The following ITGA8 variants were observed in gnomAD, a reference collection of about 807,000 sequenced individuals.
ITGA8 encodes integrin alpha-8.
A neutral mutation model predicts 142.3 loss-of-function variants in ITGA8; 91 were observed. The observed-to-expected ratio is 0.64, with a 90% CI of 0.54 to 0.76. The LOEUF (loss-of-function observed/expected upper bound fraction) is 0.76. ITGA8 is among the 30% of genes least tolerant of loss of function. The probability of loss-of-function intolerance (pLI) is 0.00; values close to 1 mark genes in which losing one functional copy is unlikely to be tolerated. For synonymous variants in ITGA8, 505 were observed against 485.2 expected, an observed-to-expected ratio of 1.04 and a Z score of -0.54; for missense variants, 1,406 against 1,327.7, an observed-to-expected ratio of 1.06 and a Z score of -0.92.
At chr10:15,579,282 C>T (rs1295104982) in intron 23 of ITGA8, among the ~76,000 whole-genome samples, 1 of 152,002 alleles carries the variant, frequency 6.6e-6, no homozygotes, top group Admixed American at 6.6e-5. Flanking sequence ...TAGCTGCTTT[C>T]GTATGAGAAA....
chr10:15,696,934 G>T (rs1206065637), intron 2 of ITGA8, among the ~76,000 whole-genome samples: 1 of 151,358 alleles, frequency 6.6e-6, no homozygotes, highest in African/African-American at 2.4e-5. Context: ...AGTTGAGCCT[G>T]AGAGGTAGAG....
At chr10:15,661,610 A>G (rs1360141920) in intron 8 of ITGA8, among the ~76,000 whole-genome samples, 2 of 152,166 alleles carry the variant, frequency 1.3e-5, no homozygotes, top group Non-Finnish European at 2.9e-5. Flanking sequence ...CGTGTGATTT[A>G]TAAATTAGAC....
intron 13 of ITGA8, among the ~76,000 whole-genome samples, chr10:15,629,470 T>G (rs1291582148): frequency 6.6e-6 from 1 of 152,030 alleles, no homozygotes; most frequent in Non-Finnish European, 1.5e-5. Context: ...CCTGCATTTT[T>G]CCTCTGCCCC....
In ITGA8 at chr10:15,622,611, A is replaced by ACCAC. The variant is rs71374635; in HGVS notation, c.1400-6053_1400-6052insGTGG. ...ACAAAACAAAACAAAACAAAAAAAAAACCACATGAGCAAGGCTGAAAGAGA... is the reference window on the plus strand; with the variant it reads ...ACAAAACAAAACAAAACAAAAAAAAACCACACCACATGAGCAAGGCTGAAAGAGA... On this transcript the variant is annotated intron_variant, in intron 13 of 29. Coordinates refer to ENST00000378076, the MANE Select transcript of ITGA8 (RefSeq NM_003638.3). Among the ~76,000 whole-genome samples the ACCAC allele has an allele frequency of 1.9e-3, 279 of 149,288 alleles. 2 individuals carry two copies. The highest frequency in any genetic ancestry group is 6.9e-3 in the Middle Eastern group (2 of 288).
chr10:15,557,211 C>G (rs1833902887), intron 26 of ITGA8, among the ~76,000 whole-genome samples: 1 of 151,934 alleles, frequency 6.6e-6, no homozygotes, highest in African/African-American at 2.4e-5. Context: ...TGAAACCTTA[C>G]CTCTACAAAA....
At chr10:15,571,358 A>G (rs1834179694) in intron 25 of ITGA8, among the ~76,000 whole-genome samples, 1 of 152,230 alleles carries the variant, frequency 6.6e-6, no homozygotes, top group South Asian at 2.1e-4. Flanking sequence ...GTGTCCTGGT[A>G]GCTACTAGGA....
intron 17 of ITGA8, among the ~76,000 whole-genome samples, chr10:15,607,105 C>G (rs1372437046): frequency 1.3e-5 from 2 of 152,174 alleles, no homozygotes; most frequent in African/African-American, 4.8e-5. Flanking sequence ...ACTAAGTCCC[C>G]TAATGGAAAA....
intron 2 of ITGA8, among the ~76,000 whole-genome samples, chr10:15,709,448 T>C (rs1835324066): frequency 6.6e-6 from 1 of 152,254 alleles, no homozygotes; most frequent in Non-Finnish European, 1.5e-5. Flanking sequence ...TAACTCATCA[T>C]ATATAATGTT....
intron 28 of ITGA8, among the ~76,000 whole-genome samples, chr10:15,526,658 G>A (rs1833180443): frequency 6.6e-6 from 1 of 152,188 alleles, no homozygotes; most frequent in Admixed American, 6.5e-5. Flanking sequence ...TCTTGTGCCA[G>A]CTAGTCAATA....
At chr10:15,697,269 T>G (rs1317148620) in intron 2 of ITGA8, among the ~76,000 whole-genome samples, 1 of 152,214 alleles carries the variant, frequency 6.6e-6, no homozygotes, top group Non-Finnish European at 1.5e-5. Context: ...TGAGGTTTTT[T>G]AAAAGTACAG....
chr10:15,558,246 C>G, intron 25 of ITGA8, 44 bp from the exon 26 acceptor site: 4 of 1,606,972 alleles, frequency 2.5e-6, no homozygotes, highest in Non-Finnish European at 3.4e-6. Context: ...AACACATGAA[C>G]AGTTGCTACA....
chr10:15,626,277 G>C (rs768672683), intron 13 of ITGA8, among the ~76,000 whole-genome samples: 1 of 151,992 alleles, frequency 6.6e-6, no homozygotes, highest in Non-Finnish European at 1.5e-5. Flanking sequence ...CTATTGCCCA[G>C]GCTGGAGTGC....
chr10:15,688,037 G>T lies in ITGA8; in HGVS notation c.345C>A (p.Asn115Lys). 4 of 1,595,880 alleles carry T rather than the reference G, an allele frequency of 2.5e-6. No homozygotes were observed. Among genetic ancestry groups the T allele is most frequent in the Non-Finnish European group, 2.6e-6 (3 of 1,163,464 alleles). Residue 115 changes from asparagine (N) to lysine (K), a missense_variant and splice_region_variant, in exon 3 of 30, where the codon AAC becomes AAA. By Grantham distance (94) the Asn-to-Lys change is moderately conservative (BLOSUM62 0). Coordinates refer to ENST00000378076, the MANE Select transcript of ITGA8 (RefSeq NM_003638.3). Reference sequence around the variant, plus strand: ...TTCCATTAACTCTGATCTTTCTGTTGTCTGTCAAAGAAGATAGGAAGAGTT... The same window carrying T: ...TTCCATTAACTCTGATCTTTCTGTTTTCTGTCAAAGAAGATAGGAAGAGTT... ...QCRQIPFDTT[N>K]NRKIRVNGTK... is the part of the protein sequence containing the mutation.
Position 15,644,034 on chromosome 10 carries a change from G to A in ITGA8, c.1395C>T (p.Tyr465=). 1 of 1,611,396 alleles carries A rather than the reference G, an allele frequency of 6.2e-7. No individual in the cohort carries two copies. Among genetic ancestry groups the A allele is most frequent in the Non-Finnish European group, 8.5e-7 (1 of 1,178,008 alleles). ...RGDSDIDKND[Y]PDLIVGAFGT... is the part of the protein sequence containing the mutation. ...GGAAAAGAAAGAAAACCTTACCTGGGTAATCATTCTTGTCTATGTCTGAAT... is the reference window on the plus strand; with the variant it reads ...GGAAAAGAAAGAAAACCTTACCTGGATAATCATTCTTGTCTATGTCTGAAT... Residue 465 remains tyrosine (Y), a synonymous_variant, in exon 13 of 30, where the codon TAC becomes TAT. Transcript: ENST00000378076.
intron 3 of ITGA8, among the ~76,000 whole-genome samples, chr10:15,687,583 C>G (rs942916733): frequency 2.0e-5 from 3 of 152,106 alleles, no homozygotes; most frequent in Non-Finnish European, 4.4e-5. Flanking sequence ...ACTTAGCATC[C>G]TTATGGGAAT....
At chr10:15,606,242 A>T in intron 18 of ITGA8, 43 bp downstream of exon 18, 1 of 1,553,544 alleles carries the variant, frequency 6.4e-7, no homozygotes, top group Non-Finnish European at 8.8e-7. Flanking sequence ...CACCCCAGAG[A>T]GCTTGCTTGA....
In ITGA8 at chr10:15,518,286, CTT is replaced by C. The variant is rs531445802; in HGVS notation, c.3105+1002_3105+1003del. Reference sequence around the variant, plus strand: ...GGCTTAGAGACATTGAGTCATCTCTCTTTCTCAGAGCTACTGGAATATCCTGT... The same window carrying C: ...GGCTTAGAGACATTGAGTCATCTCTCTCTCAGAGCTACTGGAATATCCTGT... On this transcript the variant is annotated intron_variant, in intron 29 of 29. Transcript: ENST00000378076. 2.5e-4 allele frequency among the ~76,000 whole-genome samples: 38 copies of C among 152,328 alleles called. 1 individual carries two copies. The East Asian group carries it at 6.9e-3, about 28-fold the overall frequency.
intron 28 of ITGA8, among the ~76,000 whole-genome samples, chr10:15,520,181 G>A (rs1172419019): frequency 1.3e-5 from 2 of 152,156 alleles, no homozygotes; most frequent in Non-Finnish European, 2.9e-5. Context: ...GGAGGCCAAG[G>A]TGGGTGGATT....
At chr10:15,568,779 T>G (rs1268157395) in intron 25 of ITGA8, among the ~76,000 whole-genome samples, 2 of 152,212 alleles carry the variant, frequency 1.3e-5, no homozygotes, top group Non-Finnish European at 2.9e-5. Context: ...AATAACAATG[T>G]CCAGGACTGC....
Sources: gnomAD v4.1 joint callset for allele counts (sites outside exome capture counted in the v4.1 genomes callset) on GRCh38, gnomAD v4.1.1 for gene constraint, MANE v1.5 for transcripts, NCBI Gene and HGNC (gene_info 2026-07-23, HGNC 2026-07-21) for gene names.